Variants in TTC6 observed in about 807,000 individuals in gnomAD.
TTC6 encodes the protein tetratricopeptide repeat domain 6.
In TTC6, 172 loss-of-function variants were observed where a neutral mutation model predicts 210.4. The ratio of observed to expected loss-of-function variants is 0.82; its 90% CI spans 0.72 to 0.93. TTC6 has a LOEUF of 0.93. Ranked by LOEUF, TTC6 falls within the 40% of genes least tolerant of loss-of-function variation. TTC6 has a pLI of 0.00. For synonymous variants in TTC6, 804 were observed against 819.6 expected (o/e 0.98, Z 0.32); for missense variants, 2,414 against 2,318.1 (o/e 1.04, Z -0.85).
At chr14:37,711,314 G>GA (rs1291635153) in intron 5 of TTC6, among the ~76,000 whole-genome samples, 1 of 152,092 alleles carries the variant, frequency 6.6e-6, no homozygotes, top group East Asian at 1.9e-4. Context: ...GCTCTACTGT[G>GA]AAAAAGGCAT....
At chr14:37,597,442 G>A (rs1461000917) in intron 1 of TTC6, among the ~76,000 whole-genome samples, 1 of 151,604 alleles carries the variant, frequency 6.6e-6, no homozygotes, top group Non-Finnish European at 1.5e-5. Context: ...AAAAGTTGGC[G>A]CTTTAAGTAG....
chr14:37,816,262 C>T (rs911987810), intron 25 of TTC6, among the ~76,000 whole-genome samples: 5 of 152,056 alleles, frequency 3.3e-5, no homozygotes, highest in African/African-American at 9.7e-5. Flanking sequence ...CTCAGATTAA[C>T]CTTAATACTC....
intron 7 of TTC6, among the ~76,000 whole-genome samples, chr14:37,725,808 T>C (rs931562872): frequency 1.3e-5 from 2 of 152,200 alleles, no homozygotes; most frequent in Admixed American, 6.5e-5. Flanking sequence ...GAGATCTTCA[T>C]GGTATTTTCA....
intron 10 of TTC6, among the ~76,000 whole-genome samples, chr14:37,746,966 A>G (rs1299895609): frequency 6.6e-6 from 1 of 152,106 alleles, no homozygotes; most frequent in Non-Finnish European, 1.5e-5. Context: ...CTTCTTGCCT[A>G]CTAGCTTTAT....
intron 18 of TTC6, among the ~76,000 whole-genome samples, chr14:37,796,017 C>A (rs1349812909): frequency 6.6e-6 from 1 of 151,996 alleles, no homozygotes; most frequent in Non-Finnish European, 1.5e-5. Context: ...TTAATAATTT[C>A]TCAGCAAAAA....
exon 17 of TTC6, chr14:37,792,267 T>C: frequency 6.6e-7 from 1 of 1,504,202 alleles, no homozygotes; most frequent in African/African-American, 1.4e-5. Flanking sequence ...TTTTTAGAAC[T>C]ATTACTTTGG....
chr14:37,814,226 A>G (rs2096136352), intron 25 of TTC6, among the ~76,000 whole-genome samples: 1 of 152,088 alleles, frequency 6.6e-6, no homozygotes, highest in Admixed American at 6.5e-5. Context: ...TCCACTAGTC[A>G]TGCCACCCTG....
At chr14:37,611,295 C>T (rs968461816) in intron 2 of TTC6, 3 of 152,222 alleles carry the variant, frequency 2.0e-5, no homozygotes, top group African/African-American at 7.2e-5. Flanking sequence ...GCCTGTTGGA[C>T]ACTCGCCGAG....
chr14:37,670,556 C>T (rs1182117913), intron 1 of TTC6, among the ~76,000 whole-genome samples: 1 of 149,736 alleles, frequency 6.7e-6, no homozygotes, highest in Non-Finnish European at 1.5e-5. Flanking sequence ...CTGCAACCTC[C>T]ACCTCCCAGG....
chr14:37,656,677 G>A (rs938164368), intron 1 of TTC6, among the ~76,000 whole-genome samples: 1 of 152,026 alleles, frequency 6.6e-6, no homozygotes, highest in African/African-American at 2.4e-5. Context: ...GGATTCCAGA[G>A]ACTTTCAGGC....
chr14:37,807,669 CATTT>C (rs1041554906), intron 23 of TTC6, among the ~76,000 whole-genome samples: 4 of 151,952 alleles, frequency 2.6e-5, no homozygotes, highest in African/African-American at 9.7e-5. Context: ...TTTTAAATAA[CATTT>C]ATTATTTATT....
chr14:37,622,246 G>C (rs1042121368), exon 1 of TTC6: 88 of 1,535,024 alleles, frequency 5.7e-5, no homozygotes, highest in Non-Finnish European at 7.1e-5. Context: ...GGCCCGGCCC[G>C]CCCCGCGCGC....
chr14:37,813,571 C>T (rs868696271), intron 25 of TTC6, among the ~76,000 whole-genome samples: 7 of 152,038 alleles, frequency 4.6e-5, no homozygotes, highest in African/African-American at 7.2e-5. Context: ...ACAATGCTGC[C>T]GAATTTATAA....
At chr14:37,659,883 GGCT>G in intron 1 of TTC6, among the ~76,000 whole-genome samples, 1 of 152,194 alleles carries the variant, frequency 6.6e-6, no homozygotes, top group East Asian at 1.9e-4. Context: ...TAAGCTCATT[GGCT>G]GCATCTGTGT....
At chr14:37,684,618 G>A (rs1395887601) in intron 3 of TTC6, among the ~76,000 whole-genome samples, 1 of 152,254 alleles carries the variant, frequency 6.6e-6, no homozygotes, top group African/African-American at 2.4e-5. Context: ...GGGATATTGT[G>A]GGACCCTTCA....
At chr14:37,837,398 G>A in intron 29 of TTC6, 1 of 455,316 alleles carries the variant, frequency 2.2e-6, no homozygotes, top group Non-Finnish European at 4.4e-6. Flanking sequence ...TTCTCTTCAG[G>A]AGTGAATCCT....
At chr14:37,630,394 G>A (rs2095667337) in intron 1 of TTC6, among the ~76,000 whole-genome samples, 1 of 152,162 alleles carries the variant, frequency 6.6e-6, no homozygotes. Context: ...GCAGTTTTGA[G>A]TGAGTTTCTT....
chr14:37,772,541 T>A (rs2096023041), intron 14 of TTC6: 1 of 152,696 alleles, frequency 6.5e-6, no homozygotes, highest in Non-Finnish European at 1.5e-5. Context: ...AAAAGTGCAG[T>A]ATGCAGGTGG....
At chr14:37,753,458 A>G (rs1327724406) in intron 14 of TTC6, among the ~76,000 whole-genome samples, 2 of 152,208 alleles carry the variant, frequency 1.3e-5, no homozygotes, top group Admixed American at 6.5e-5. Context: ...TTTCCTAAAT[A>G]CTAGTTACAT....
Sources: gnomAD v4.1 joint callset for allele counts (sites outside exome capture counted in the v4.1 genomes callset) on GRCh38, gnomAD v4.1.1 for gene constraint, MANE v1.5 for transcripts, NCBI Gene and HGNC (gene_info 2026-07-23, HGNC 2026-07-21) for gene names.